The following PRKX variants were observed in gnomAD, a reference collection of about 807,000 sequenced individuals.
The protein encoded by PRKX is protein kinase cAMP-dependent X-linked catalytic subunit.
In PRKX, 12 loss-of-function variants were observed where a neutral mutation model predicts 22.0. The ratio of observed to expected loss-of-function variants is 0.54; its 90% CI spans 0.35 to 0.88. PRKX has a LOEUF of 0.88. Among genes scored for constraint, PRKX ranks in the 40% least tolerant of loss-of-function variants. PRKX has a pLI of 0.01. For missense variants in PRKX, 217 were observed against 308.0 expected (o/e 0.70, Z 2.21); for synonymous variants, 134 against 137.7 (o/e 0.97, Z 0.19).
chrX:3,676,206 T>G (rs891245993), intron 1 of PRKX, among the ~76,000 whole-genome samples: 1 of 111,844 alleles, frequency 8.9e-6, no homozygotes, highest in Non-Finnish European at 1.9e-5. Context: ...CCTCCCGTAT[T>G]ATGTGATCAC....
intron 2 of PRKX, among the ~76,000 whole-genome samples, chrX:3,669,316 CTCCATCCA>C (rs55930956): frequency 0.48 from 49,167 of 102,451 alleles, 9,507 homozygotes; most frequent in Admixed American, 0.66. Flanking sequence ...CAATGTTGAT[CTCCATCCA>C]TCCATCCATC....
In PRKX at chrX:3,713,431, G is replaced by C; in HGVS notation, c.-178C>G. On this transcript the variant is annotated 5_prime_UTR_variant, in exon 1 of 9. Transcript: ENST00000262848. ...TGACGGAGCGACGGGGACAATGGCT[G>C]GGCGGCGCTCACGGCACAAGCAGCA... is the stretch of plus-strand genomic sequence containing the variant. 3.0e-6 allele frequency: 1 copy of C among 335,499 alleles called. No homozygotes were observed. Among genetic ancestry groups the C allele is most frequent in the Non-Finnish European group, 4.7e-6 (1 of 210,681 alleles). 27.6% of individuals were successfully genotyped at this position (335,499 alleles called of 1,213,427 possible). A position where few individuals can be genotyped will look rare whatever the true frequency, so the allele number is the denominator to read the frequency against.
chrX:3,673,366 G>C (rs1409973134), intron 2 of PRKX, among the ~76,000 whole-genome samples: 1 of 111,466 alleles, frequency 9.0e-6, no homozygotes, highest in Non-Finnish European at 1.9e-5. Context: ...CGAGGATACT[G>C]GTAGGAGGAT....
At chrX:3,697,757 C>T (rs1026829614) in intron 1 of PRKX, among the ~76,000 whole-genome samples, 1 of 110,535 alleles carries the variant, frequency 9.0e-6, no homozygotes, top group African/African-American at 3.3e-5. Context: ...TACTGTGTCG[C>T]CTAGGCTGGC....
chrX:3,676,149 A>G (rs1927949382), intron 1 of PRKX, among the ~76,000 whole-genome samples: 1 of 111,559 alleles, frequency 9.0e-6, no homozygotes, highest in Non-Finnish European at 1.9e-5. Context: ...TTTTTAAACA[A>G]CGCATTCACA....
intron 1 of PRKX, among the ~76,000 whole-genome samples, chrX:3,685,738 T>A (rs769086325): frequency 9.8e-6 from 1 of 102,293 alleles, no homozygotes. Context: ...AAGAGGAATT[T>A]AAAAAAAAAA....
intron 1 of PRKX, among the ~76,000 whole-genome samples, chrX:3,694,003 C>G (rs1928393533): frequency 1.9e-5 from 2 of 106,440 alleles, no homozygotes; most frequent in South Asian, 8.6e-4. Flanking sequence ...AGTAAACAAT[C>G]TCCAGATAAG....
At chrX:3,668,495 T>C (rs1347532583) in intron 2 of PRKX, among the ~76,000 whole-genome samples, 1 of 111,985 alleles carries the variant, frequency 8.9e-6, no homozygotes. Context: ...CCAATGACAA[T>C]GGGGACCACA....
At chrX:3,617,272 TTATA>T (rs1045222189) in intron 6 of PRKX, among the ~76,000 whole-genome samples, 5 of 110,362 alleles carry the variant, frequency 4.5e-5, no homozygotes, top group African/African-American at 6.6e-5. Flanking sequence ...TTTACACACT[TTATA>T]TGTAGAGTAC....
At chrX:3,678,086 T>G (rs760826716) in intron 1 of PRKX, among the ~76,000 whole-genome samples, 1 of 111,800 alleles carries the variant, frequency 8.9e-6, no homozygotes, top group East Asian at 2.8e-4. Flanking sequence ...CTATGGCCAC[T>G]GATGTTTCAA....
rs1439207672 is a variant in PRKX at position 3,674,176 on chromosome X, C to G, written c.335+422G>C. Among the ~76,000 whole-genome samples the G allele has an allele frequency of 2.7e-5, 3 of 111,095 alleles. No homozygotes were observed. In the East Asian group the frequency reaches 8.4e-4, roughly 31 times the overall value. On this transcript the variant is annotated intron_variant, in intron 2 of 8. Coordinates refer to ENST00000262848, the MANE Select transcript of PRKX (RefSeq NM_005044.5). ...GGGGTATCTCTCATCCACAGTCAAC[C>G]AGAAACCCAACGAAACCTGAAGCCC...
At chrX:3,615,198 C>T (rs1254228666) in intron 7 of PRKX, among the ~76,000 whole-genome samples, 7 of 108,707 alleles carry the variant, frequency 6.4e-5, no homozygotes, top group African/African-American at 1.0e-4. Flanking sequence ...TTGGTATTTT[C>T]TGTAGAGGCG....
chrX:3,656,871 G>A lies in PRKX; in HGVS notation c.336-1459C>T, dbSNP rs139953838. 2.8e-3 allele frequency among the ~76,000 whole-genome samples: 311 copies of A among 111,953 alleles called. 4 individuals are homozygous for A. The highest frequency in any genetic ancestry group is 9.5e-3 in the African/African-American group (294 of 30,802). On this transcript the variant is annotated intron_variant, in intron 2 of 8. Transcript: ENST00000262848. ...CCTCAGTTCTGGAGGCTGGAAGTCC[G>A]AGGTCGGGGCGCCTGCTGATGAACT...
chrX:3,652,396 C>T (rs1235541075), intron 3 of PRKX, among the ~76,000 whole-genome samples: 4 of 101,408 alleles, frequency 3.9e-5, no homozygotes, highest in African/African-American at 1.5e-4. Flanking sequence ...CCAGCCTGGG[C>T]GACAGAGCCA....
intron 3 of PRKX, among the ~76,000 whole-genome samples, chrX:3,653,843 CTA>C (rs1296728631): frequency 1.7e-5 from 1 of 60,475 alleles, no homozygotes; most frequent in Non-Finnish European, 2.8e-5. Flanking sequence ...ATATTATATA[CTA>C]TGTGATATAT....
intron 1 of PRKX, among the ~76,000 whole-genome samples, chrX:3,707,001 T>C (rs1928698427): frequency 9.0e-6 from 1 of 111,193 alleles, no homozygotes; most frequent in Non-Finnish European, 1.9e-5. Flanking sequence ...GTGGTGCACG[T>C]CTGCAGTCCC....
intron 3 of PRKX, among the ~76,000 whole-genome samples, chrX:3,642,435 GAC>G (rs1482094838): frequency 9.1e-6 from 1 of 110,105 alleles, no homozygotes; most frequent in Non-Finnish European, 1.9e-5. Context: ...GGGACACACA[GAC>G]ACAGAGAGGG....
intron 2 of PRKX, among the ~76,000 whole-genome samples, chrX:3,658,371 T>C (rs1268689630): frequency 9.0e-6 from 1 of 110,586 alleles, no homozygotes; most frequent in African/African-American, 3.3e-5. Context: ...CAGCCTCAAC[T>C]TCCCGGGCTC....
chrX:3,627,635 A>AT (rs965878679), intron 4 of PRKX, among the ~76,000 whole-genome samples: 15 of 106,723 alleles, frequency 1.4e-4, no homozygotes, highest in Admixed American at 1.0e-3. Flanking sequence ...TAATTTTTGT[A>AT]TTTTTTTTTG....
Sources: gnomAD v4.1 joint callset for allele counts (sites outside exome capture counted in the v4.1 genomes callset) on GRCh38, gnomAD v4.1.1 for gene constraint, MANE v1.5 for transcripts, NCBI Gene and HGNC (gene_info 2026-07-23, HGNC 2026-07-21) for gene names.